Variants in ARFGEF3 observed in about 807,000 individuals in gnomAD.
ARFGEF3 encodes the protein brefeldin A-inhibited guanine nucleotide-exchange protein 3.
Under a neutral mutation model 221.7 loss-of-function variants are expected in ARFGEF3, and 96 were observed. That is an observed-to-expected ratio of 0.43 (90% CI 0.37 to 0.51). The LOEUF (loss-of-function observed/expected upper bound fraction) is 0.51, where lower values mean the gene tolerates loss of function less well. ARFGEF3 is among the 20% of genes least tolerant of loss of function. The pLI, the probability that ARFGEF3 is intolerant of heterozygous loss-of-function variation, is 0.00. For synonymous variants in ARFGEF3, 1,145 were observed against 1,126.8 expected (o/e 1.02, Z -0.32); for missense variants, 2,410 against 2,789.9 (o/e 0.86, Z 3.07).
chr6:138,284,081 G>A (rs950307616), intron 14 of ARFGEF3, among the ~76,000 whole-genome samples: 1 of 152,188 alleles, frequency 6.6e-6, no homozygotes, highest in Admixed American at 6.6e-5. Context: ...GAGGCGGGAG[G>A]ATCACTTAAG....
intron 5 of ARFGEF3, among the ~76,000 whole-genome samples, chr6:138,234,964 A>C (rs551512229): frequency 3.3e-5 from 5 of 152,126 alleles, no homozygotes; most frequent in Non-Finnish European, 7.4e-5. Context: ...GCACATTTTT[A>C]TTGTGGCATC....
chr6:138,173,613 A>G (rs117022347), intron 2 of ARFGEF3, among the ~76,000 whole-genome samples: 2,032 of 152,230 alleles, frequency 0.013, 32 homozygotes, highest in Middle Eastern at 0.058. Flanking sequence ...TTCTTTGTCT[A>G]GTGTTCATGT....
intron 9 of ARFGEF3, among the ~76,000 whole-genome samples, chr6:138,254,542 C>T (rs1778640114): frequency 6.6e-6 from 1 of 151,890 alleles, no homozygotes; most frequent in East Asian, 1.9e-4. Flanking sequence ...CTAGCCTGGC[C>T]AACACAGTGA....
At chr6:138,250,171 G>T (rs543479558) in intron 8 of ARFGEF3, among the ~76,000 whole-genome samples, 21 of 152,290 alleles carry the variant, frequency 1.4e-4, no homozygotes, top group African/African-American at 4.3e-4. Context: ...TAGGGCTTTA[G>T]CTCTGTAGGG....
At chr6:138,203,928 A>G (rs1346913220) in intron 2 of ARFGEF3, among the ~76,000 whole-genome samples, 1 of 151,998 alleles carries the variant, frequency 6.6e-6, no homozygotes, top group Admixed American at 6.5e-5. Context: ...GGTGTGAGCC[A>G]CCATACCCGG....
chr6:138,298,875 T>A lies in ARFGEF3; in HGVS notation c.3828+90T>A, dbSNP rs548883089. 210 of 947,430 alleles carry A rather than the reference T, an allele frequency of 2.2e-4. 2 individuals are homozygous for A. Among genetic ancestry groups the A allele is most frequent in the South Asian group, 1.8e-3 (103 of 58,554 alleles). The allele number at this position is 947,430 out of a possible 1,614,324, so 58.7% of individuals were successfully genotyped here. A position where few individuals can be genotyped will look rare whatever the true frequency, so the allele number is the denominator to read the frequency against. On this transcript the variant is annotated intron_variant, in intron 22 of 33. Transcript: ENST00000251691. ...CTATGAGCTTCGCACACTTACTCTT[T>A]CCAATAATCCTATGTGGAATCTGTA...
chr6:138,335,230 T>C, intron 33 of ARFGEF3, 42 bp downstream of exon 33: 2 of 1,489,818 alleles, frequency 1.3e-6, no homozygotes, highest in Non-Finnish European at 1.8e-6. Context: ...GAGGCTGGGT[T>C]TCCAGTACTG....
At chr6:138,229,968 C>T (rs1294236514) in intron 5 of ARFGEF3, 116 bp downstream of exon 5, 14 of 850,828 alleles carry the variant, frequency 1.6e-5, no homozygotes, top group African/African-American at 3.3e-5. Context: ...TGATTACTAC[C>T]GTGGGGAATT....
At chr6:138,300,584 T>C (rs1025473569) in intron 22 of ARFGEF3, among the ~76,000 whole-genome samples, 1 of 152,184 alleles carries the variant, frequency 6.6e-6, no homozygotes, top group Non-Finnish European at 1.5e-5. Flanking sequence ...TTCCTAAAAA[T>C]AGAATCTACT....
intron 22 of ARFGEF3, among the ~76,000 whole-genome samples, chr6:138,305,291 A>C (rs1779699380): frequency 2.2e-5 from 3 of 138,246 alleles, no homozygotes; most frequent in South Asian, 2.2e-4. Flanking sequence ...GAAATTAGAC[A>C]AAAAAAAAAA....
At chr6:138,296,708 C>A in intron 20 of ARFGEF3, 102 bp from the exon 21 acceptor site, 1 of 1,376,220 alleles carries the variant, frequency 7.3e-7, no homozygotes, top group South Asian at 1.4e-5. Context: ...TCGAATTACC[C>A]TACTGGTCCT....
At chr6:138,310,413 G>A (rs557150275) in intron 24 of ARFGEF3, among the ~76,000 whole-genome samples, 6 of 152,296 alleles carry the variant, frequency 3.9e-5, no homozygotes, top group South Asian at 2.1e-4. Context: ...TTCATTTGTC[G>A]ATGGCTGCTT....
At position 138,261,559 on chromosome 6, in the gene ARFGEF3, G is replaced by A; in HGVS notation, c.1137G>A (p.Leu379=). The change falls in exon 11 of 34, where the codon TTG becomes TTA. Residue 379 remains leucine, a synonymous_variant. Transcript: ENST00000251691. ...ILGSPQRLCD[L]AGPSSTESES... ...GGAGCCCACAGCGTCTCTGTGACTT[G>A]GCAGGACCCAGCTCCACTGAATCAG... The A allele has an allele frequency of 6.3e-7, 1 of 1,578,604 alleles. No homozygotes were observed. Among genetic ancestry groups the A allele is most frequent in the Non-Finnish European group, 8.6e-7 (1 of 1,160,814 alleles).
In ARFGEF3 at chr6:138,334,873, G is replaced by A. The variant is rs148240753; in HGVS notation, c.6027G>A (p.Ala2009=). 1.9e-5 allele frequency: 30 copies of A among 1,592,572 alleles called. No homozygotes were observed. The African/African-American group carries it at 2.4e-4, about 13-fold the overall frequency. ...PSRKKEWWEN[A]GNKIYTMAAD... is the part of the protein sequence containing the mutation. ...GGAAGAAGGAGTGGTGGGAGAATGC[G>A]GGGAACAAAATCTACACCATGGCAG... Residue 2009 remains alanine (A), a synonymous_variant, in exon 33 of 34, where the codon GCG becomes GCA. Coordinates refer to ENST00000251691, the MANE Select transcript of ARFGEF3 (RefSeq NM_020340.5). The surrounding 1 kb of genome is among the most constrained non-coding windows in gnomAD (Gnocchi z 5.1).
At chr6:138,260,424 A>G (rs1459757828) in intron 10 of ARFGEF3, among the ~76,000 whole-genome samples, 3 of 152,220 alleles carry the variant, frequency 2.0e-5, no homozygotes, top group African/African-American at 4.8e-5. Context: ...CCTTGAATCA[A>G]TTTAGCCTCA....
chr6:138,283,061 A>G (rs1159593470), intron 14 of ARFGEF3, among the ~76,000 whole-genome samples: 3 of 152,166 alleles, frequency 2.0e-5, no homozygotes, highest in African/African-American at 2.4e-5. Flanking sequence ...TTTAAAAAAA[A>G]AAAAGAAAAG....
intron 2 of ARFGEF3, among the ~76,000 whole-genome samples, chr6:138,194,366 C>T (rs1331168295): frequency 6.6e-6 from 1 of 152,074 alleles, no homozygotes; most frequent in Non-Finnish European, 1.5e-5. Flanking sequence ...GCTGCTGCTG[C>T]TGTTTGCATT....
chr6:138,338,073 A>G lies in ARFGEF3; in HGVS notation c.*1587A>G, dbSNP rs1374930767. 2.0e-5 allele frequency: 3 copies of G among 152,218 alleles called. No homozygotes were observed. Among genetic ancestry groups the G allele is most frequent in the East Asian group, 1.9e-4 (1 of 5,194 alleles). The allele number at this position is 152,218 out of a possible 1,614,324, so 9.4% of individuals were successfully genotyped here. A position where few individuals can be genotyped will look rare whatever the true frequency, so the allele number is the denominator to read the frequency against. On this transcript the variant is annotated 3_prime_UTR_variant, in exon 34 of 34. Coordinates refer to ENST00000251691, the MANE Select transcript of ARFGEF3 (RefSeq NM_020340.5). The stretch of plus-strand genomic sequence containing the variant: ...TCTGAAAAAAACACCCTTATCATCC[A>G]GTGTACCATCTAGAGATCACCACAG...
chr6:138,319,704 A>G lies in ARFGEF3; in HGVS notation c.4476A>G (p.Gly1492=). The change falls in exon 28 of 34, where the codon GGA becomes GGG. Residue 1492 remains glycine, a splice_region_variant and synonymous_variant. Coordinates refer to ENST00000251691, the MANE Select transcript of ARFGEF3 (RefSeq NM_020340.5). ...GCTACGCTGACTTTTCTTTTTCAGG[A>G]CCAGGGTTTGGTATCTATGCAGTGG... ...ELLRDVTKTP[G]PGFGIYAVVH... 2 of 1,585,078 alleles carry G rather than the reference A, an allele frequency of 1.3e-6. No individual in the cohort carries two copies. The highest frequency in any genetic ancestry group is 1.7e-6 in the Non-Finnish European group (2 of 1,169,172).
Sources: gnomAD v4.1 joint callset for allele counts (sites outside exome capture counted in the v4.1 genomes callset) on GRCh38, gnomAD v4.1.1 for gene constraint, Gnocchi (gnomAD v3.1) non-coding constraint, MANE v1.5 for transcripts, NCBI Gene and HGNC (gene_info 2026-07-23, HGNC 2026-07-21) for gene names.